The following KDM1A variants were observed in gnomAD, a reference collection of about 807,000 sequenced individuals.
KDM1A encodes the protein lysine demethylase 1A, also known as lysine-specific histone demethylase 1A.
A neutral mutation model predicts 109.4 loss-of-function variants in KDM1A; 49 were observed. The observed-to-expected ratio is 0.45, with a 90% confidence interval of 0.36 to 0.57. The LOEUF (loss-of-function observed/expected upper bound fraction) is 0.57, where lower values mean the gene tolerates loss of function less well. Ranked by LOEUF, KDM1A falls within the 20% of genes least tolerant of loss-of-function variation. The pLI, the probability that KDM1A is intolerant of heterozygous loss-of-function variation, is 0.00. For missense variants in KDM1A, 668 were observed against 1,116.6 expected, an observed-to-expected ratio of 0.60 and a Z score of 5.73; for synonymous variants, 380 against 415.4, an observed-to-expected ratio of 0.91 and a Z score of 1.04.
chr1:23,057,527 ATG>A lies in KDM1A; in HGVS notation c.1036_1037del (p.Val346SerfsTer2). On this transcript the variant is annotated frameshift_variant, in exon 8 of 21. Coordinates refer to ENST00000400181, the MANE Select transcript of KDM1A (RefSeq NM_001009999.3). LOFTEE classifies it high-confidence loss of function. ...GTTGCCACATTTCGCAAAGGAAACT[ATG>A]TAGCTGATCTTGGAGCCATGGTGGT... is the stretch of plus-strand genomic sequence containing the variant. 1 of 1,613,962 alleles carries A rather than the reference ATG, an allele frequency of 6.2e-7. No individual in the cohort carries two copies. Among genetic ancestry groups the A allele is most frequent in the Non-Finnish European group, 8.5e-7 (1 of 1,179,878 alleles).
At chr1:23,055,871 G>A in intron 6 of KDM1A, 61 bp from the exon 7 acceptor site, 1 of 1,050,336 alleles carries the variant, frequency 9.5e-7, no homozygotes, top group East Asian at 2.4e-5. Flanking sequence ...CATGAAATAA[G>A]ACTGTAAGTA....
chr1:23,049,152 CAAAAA>C (rs5773034), intron 3 of KDM1A, among the ~76,000 whole-genome samples: 3 of 75,254 alleles, frequency 4.0e-5, no homozygotes, highest in East Asian at 3.8e-4. Context: ...GACTCCCTCT[CAAAAA>C]AAAAAAAAAA....
chr1:23,021,290 A>G (rs561030775), intron 1 of KDM1A, among the ~76,000 whole-genome samples: 5 of 152,348 alleles, frequency 3.3e-5, no homozygotes, highest in African/African-American at 1.2e-4. Context: ...GAAATGAAAT[A>G]AAGGGCAGAA....
At chr1:23,076,070 T>C (rs1440005713) in intron 15 of KDM1A, among the ~76,000 whole-genome samples, 1 of 152,252 alleles carries the variant, frequency 6.6e-6, no homozygotes, top group African/African-American at 2.4e-5. Flanking sequence ...TGGTTTTTCA[T>C]GTAAATACTA....
intron 3 of KDM1A, among the ~76,000 whole-genome samples, chr1:23,046,385 C>T (rs897148823): frequency 2.0e-5 from 3 of 152,064 alleles, no homozygotes; most frequent in Non-Finnish European, 4.4e-5. Flanking sequence ...CTAGTTTTCT[C>T]ATATTAAGTA....
intron 14 of KDM1A, among the ~76,000 whole-genome samples, chr1:23,072,556 T>G (rs746874614): frequency 1.3e-5 from 2 of 152,244 alleles, no homozygotes; most frequent in Non-Finnish European, 2.9e-5. Flanking sequence ...TTATTTCCAC[T>G]GGGTTTTTGA....
intron 16 of KDM1A, among the ~76,000 whole-genome samples, chr1:23,077,781 ACCC>A (rs1569818298): frequency 6.6e-6 from 1 of 152,096 alleles, no homozygotes; most frequent in East Asian, 1.9e-4. Flanking sequence ...CTCCACTAGG[ACCC>A]ACCCCTTATA....
intron 2 of KDM1A, among the ~76,000 whole-genome samples, chr1:23,043,473 G>A (rs1021234853): frequency 6.6e-6 from 1 of 151,968 alleles, no homozygotes. Context: ...TTCTTATTGG[G>A]GTACGTATTT....
At chr1:23,071,123 T>C in intron 12 of KDM1A, 102 bp from the exon 13 acceptor site, 1 of 861,052 alleles carries the variant, frequency 1.2e-6, no homozygotes, top group South Asian at 1.7e-5. Flanking sequence ...TAGCCCTGTT[T>C]TGTTGGGATA....
chr1:23,068,926 C>CAACT, intron 11 of KDM1A, 135 bp from the exon 12 acceptor site: 1 of 646,324 alleles, frequency 1.5e-6, no homozygotes, highest in Non-Finnish European at 2.6e-6. Context: ...AAATAATTTC[C>CAACT]AACTAGCCAA....
chr1:23,023,571 A>G (rs973829272), intron 1 of KDM1A, among the ~76,000 whole-genome samples: 6 of 152,212 alleles, frequency 3.9e-5, no homozygotes, highest in Non-Finnish European at 8.8e-5. Context: ...CGTCCATTCC[A>G]GTACCACACT....
At chr1:23,026,720 C>G (rs149914033) in intron 1 of KDM1A, among the ~76,000 whole-genome samples, 22 of 152,114 alleles carry the variant, frequency 1.4e-4, no homozygotes, top group African/African-American at 5.1e-4. Context: ...GCTTTAAGGA[C>G]ATTGAGGAGT....
intron 1 of KDM1A, among the ~76,000 whole-genome samples, chr1:23,022,098 A>G (rs1641650356): frequency 6.6e-6 from 1 of 152,196 alleles, no homozygotes; most frequent in African/African-American, 2.4e-5. Context: ...TTTGTTTCCA[A>G]GTCTTGGCTA....
intron 2 of KDM1A, among the ~76,000 whole-genome samples, chr1:23,042,694 C>T (rs1394120048): frequency 8.6e-5 from 13 of 150,982 alleles, no homozygotes; most frequent in Admixed American, 4.6e-4. Flanking sequence ...CCTCGTGATC[C>T]GCCCGCCTCG....
Position 23,019,491 on chromosome 1 carries a change from T to G in KDM1A, c.-106T>G. On this transcript the variant is annotated 5_prime_UTR_variant, in exon 1 of 21. Coordinates refer to ENST00000400181, the MANE Select transcript of KDM1A (RefSeq NM_001009999.3). ...TTGGCGCGTGCGTACGCGACGGCGG[T>G]TGGCGGCGCGCGGGCAGCGTGAAGC... The G allele has an allele frequency of 7.8e-7, 1 of 1,286,266 alleles. No individual in the cohort carries two copies. The highest frequency in any genetic ancestry group is 9.8e-7 in the Non-Finnish European group (1 of 1,016,886). 79.7% of individuals were successfully genotyped at this position (1,286,266 alleles called of 1,614,324 possible).
intron 4 of KDM1A, among the ~76,000 whole-genome samples, chr1:23,053,115 C>A (rs1045581124): frequency 6.6e-6 from 1 of 152,160 alleles, no homozygotes; most frequent in African/African-American, 2.4e-5. Context: ...TCTAGTTGAT[C>A]ATTAGATTTT....
chr1:23,028,517 G>A (rs1184570112), intron 1 of KDM1A, among the ~76,000 whole-genome samples: 1 of 152,178 alleles, frequency 6.6e-6, no homozygotes, highest in Non-Finnish European at 1.5e-5. Context: ...CTCAAAATTT[G>A]CACATTGTCC....
At chr1:23,059,495 G>T (rs1014835905) in intron 9 of KDM1A, 11 of 363,020 alleles carry the variant, frequency 3.0e-5, no homozygotes, top group African/African-American at 8.5e-5. Flanking sequence ...TGATTCTTCG[G>T]TTTTTTTTGT....
At chr1:23,057,436 G>T in intron 7 of KDM1A, 48 bp from the exon 8 acceptor site, 3 of 1,408,526 alleles carry the variant, frequency 2.1e-6, no homozygotes, top group Non-Finnish European at 3.0e-6. Context: ...TGCCAGGTTT[G>T]TGGTTAAAAC....
Sources: gnomAD v4.1 joint callset for allele counts (sites outside exome capture counted in the v4.1 genomes callset) on GRCh38, gnomAD v4.1.1 for gene constraint, MANE v1.5 for transcripts, NCBI Gene and HGNC (gene_info 2026-07-23, HGNC 2026-07-21) for gene names.